Variants in KAT14 observed in about 807,000 individuals in gnomAD.
KAT14 encodes cysteine-rich protein 2-binding protein.
In KAT14, 66 loss-of-function variants were observed where a neutral mutation model predicts 78.4. The observed-to-expected ratio is 0.84, with a 90% CI of 0.69 to 1.03. KAT14 has a LOEUF of 1.03. Ranked by LOEUF, KAT14 falls within the 50% of genes least tolerant of loss-of-function variation. The pLI is 0.00. For missense variants in KAT14, 870 were observed against 972.5 expected, an observed-to-expected ratio of 0.89 and a Z score of 1.40; for synonymous variants, 344 against 359.4, an observed-to-expected ratio of 0.96 and a Z score of 0.48.
At chr20:18,184,561 A>G (rs780525018) in intron 9 of KAT14, 41 bp from the exon 10 acceptor site, 14 of 1,566,280 alleles carry the variant, frequency 8.9e-6, no homozygotes, top group Non-Finnish European at 1.2e-5. Context: ...TTAATTCTCA[A>G]AGGCATGTGG....
chr20:18,142,958 G>A (rs369310182), intron 2 of KAT14, 39 bp downstream of exon 2: 1 of 1,598,186 alleles, frequency 6.3e-7, no homozygotes, highest in African/African-American at 1.3e-5. Flanking sequence ...GTCAATTCCT[G>A]TGTGAAGGTT....
chr20:18,142,701 A>C lies in KAT14; in HGVS notation c.41A>C (p.His14Pro). Residue 14 changes from histidine (H) to proline (P), a missense_variant, in exon 2 of 11, where the codon CAT becomes CCT. His to Pro is a moderately conservative substitution (Grantham distance 77). Coordinates refer to ENST00000688188, the MANE Select transcript of KAT14 (RefSeq NM_001392073.1). ...SIHLSSLISR[H>P]DDEATRTSTS... ...CACCTGAGTAGTCTGATCAGTCGGC[A>C]TGATGACGAAGCCACGAGAACATCG... The C allele has an allele frequency of 1.9e-6, 3 of 1,614,204 alleles. No homozygotes were observed. The highest frequency in any genetic ancestry group is 1.7e-6 in the Non-Finnish European group (2 of 1,180,042).
intron 2 of KAT14, among the ~76,000 whole-genome samples, chr20:18,143,407 T>A (rs1228185769): frequency 7.2e-5 from 11 of 152,048 alleles, no homozygotes; most frequent in Non-Finnish European, 4.4e-5. Context: ...CCTTTTTTTC[T>A]GCTGGCAAGA....
chr20:18,187,466 T>A lies in KAT14; in HGVS notation c.*7T>A, dbSNP rs756465446. ...TCTGAGGCTCCGGCGCTGATGCGAATACAGCTCACAGAGAAACGCATGTGC... is the reference window on the plus strand; with the variant it reads ...TCTGAGGCTCCGGCGCTGATGCGAAAACAGCTCACAGAGAAACGCATGTGC... On this transcript the variant is annotated 3_prime_UTR_variant, in exon 11 of 11. Coordinates refer to ENST00000688188, the MANE Select transcript of KAT14 (RefSeq NM_001392073.1). 28 of 1,613,912 alleles carry A rather than the reference T, an allele frequency of 1.7e-5. No individual in the cohort carries two copies. The highest frequency in any genetic ancestry group is 2.4e-5 in the Non-Finnish European group (28 of 1,179,950).
chr20:18,154,194 A>G (rs2038143465), intron 4 of KAT14, among the ~76,000 whole-genome samples: 1 of 152,238 alleles, frequency 6.6e-6, no homozygotes, highest in Admixed American at 6.5e-5. Context: ...GAATGTTAAC[A>G]AGATTACCGT....
chr20:18,137,272 G>T (rs1033160336), upstream of KAT14, among the ~76,000 whole-genome samples: 1 of 150,664 alleles, frequency 6.6e-6, no homozygotes, highest in African/African-American at 2.5e-5. Flanking sequence ...CTGGGCGATA[G>T]ACAGAGACTC....
chr20:18,150,912 A>T lies in KAT14; in HGVS notation c.470A>T (p.Glu157Val). The T allele has an allele frequency of 6.2e-7, 1 of 1,614,210 alleles. No homozygotes were observed. The highest frequency in any genetic ancestry group is 8.5e-7 in the Non-Finnish European group (1 of 1,180,034). ...AAAGAAGATATCTGTGCTTTTATTGAGAAACATTGGACTTTTTTACTAGGG... is the reference window on the plus strand; with the variant it reads ...AAAGAAGATATCTGTGCTTTTATTGTGAAACATTGGACTTTTTTACTAGGG... Reference protein sequence around the residue: ...RWKEDICAFIEKHWTFLLGNR... With the variant: ...RWKEDICAFIVKHWTFLLGNR... Residue 157 changes from glutamate (E) to valine (V), a missense_variant, in exon 4 of 11, where the codon GAG (glutamate) becomes GTG (valine). Glu to Val is a moderately radical substitution (Grantham distance 121). Transcript: ENST00000688188.
Position 18,183,214 on chromosome 20 carries a change from C to G in KAT14, c.1897C>G (p.Pro633Ala), listed in dbSNP as rs1210337308. The G allele has an allele frequency of 1.5e-5, 25 of 1,614,014 alleles. No homozygotes were observed. The highest frequency in any genetic ancestry group is 2.1e-5 in the Non-Finnish European group (25 of 1,180,020). The change falls in exon 9 of 11, where the codon CCC becomes GCC. Residue 633 changes from proline (P) to alanine (A), a missense_variant. Physicochemically the swap from Pro to Ala is conservative, Grantham distance 27. Coordinates refer to ENST00000688188, the MANE Select transcript of KAT14 (RefSeq NM_001392073.1). ...GAGCGACCCTCACTGGACGCCGGAG[C>G]CCGACGCACCTCTCGATTACTGTTA... ...HRSDPHWTPEPDAPLDYCYVR... is the reference protein window; with the variant it reads ...HRSDPHWTPEADAPLDYCYVR...
chr20:18,165,467 T>C (rs1239831584), intron 7 of KAT14, among the ~76,000 whole-genome samples: 1 of 152,150 alleles, frequency 6.6e-6, no homozygotes, highest in Non-Finnish European at 1.5e-5. Context: ...CACCAGGAGC[T>C]AAGAGAAGGG....
At chr20:18,148,527 A>G (rs966737460) in intron 3 of KAT14, among the ~76,000 whole-genome samples, 2 of 152,036 alleles carry the variant, frequency 1.3e-5, no homozygotes, top group Non-Finnish European at 2.9e-5. Flanking sequence ...CTGTGGATAC[A>G]TTGGTCCACA....
intron 3 of KAT14, among the ~76,000 whole-genome samples, chr20:18,147,165 T>G (rs565842913): frequency 6.6e-6 from 1 of 152,380 alleles, no homozygotes; most frequent in East Asian, 1.9e-4. Context: ...GTCTATTATC[T>G]TAATTATCAG....
chr20:18,152,086 G>T (rs1329620263), intron 4 of KAT14, among the ~76,000 whole-genome samples: 3 of 151,780 alleles, frequency 2.0e-5, no homozygotes, highest in Non-Finnish European at 4.4e-5. Context: ...AATAAGAGTT[G>T]TATTACATGA....
intron 7 of KAT14, among the ~76,000 whole-genome samples, chr20:18,164,971 G>A (rs980214981): frequency 3.3e-5 from 5 of 151,966 alleles, no homozygotes; most frequent in African/African-American, 1.2e-4. Context: ...TCTGTTTACT[G>A]CCTATACTTA....
intron 7 of KAT14, among the ~76,000 whole-genome samples, chr20:18,177,507 G>A (rs1209195685): frequency 1.3e-5 from 2 of 152,152 alleles, no homozygotes; most frequent in Non-Finnish European, 2.9e-5. Flanking sequence ...AATTGTTAGT[G>A]GCTGTATTTA....
intron 4 of KAT14, among the ~76,000 whole-genome samples, chr20:18,153,420 C>G (rs2038117286): frequency 6.6e-6 from 1 of 152,054 alleles, no homozygotes; most frequent in African/African-American, 2.4e-5. Context: ...ATTTATGGAC[C>G]TTAATGTACC....
chr20:18,168,952 G>A (rs1313222552), intron 7 of KAT14, among the ~76,000 whole-genome samples: 2 of 150,612 alleles, frequency 1.3e-5, no homozygotes, highest in South Asian at 4.4e-4. Flanking sequence ...TACACCTTTT[G>A]TAGTTTTCCG....
intron 1 of KAT14, among the ~76,000 whole-genome samples, chr20:18,139,765 A>G (rs2037458037): frequency 6.6e-6 from 1 of 152,124 alleles, no homozygotes; most frequent in Non-Finnish European, 1.5e-5. Context: ...TGATTAGCAC[A>G]GTGGATGTGT....
intron 7 of KAT14, among the ~76,000 whole-genome samples, chr20:18,167,494 A>G (rs1029289411): frequency 1.3e-5 from 2 of 152,178 alleles, no homozygotes; most frequent in African/African-American, 4.8e-5. Context: ...CATTTATTCA[A>G]TCCATACTCT....
At position 18,187,500 on chromosome 20, in the gene KAT14, A is replaced by G. The variant is rs2039487438; in HGVS notation, c.*41A>G. 2.5e-6 allele frequency: 4 copies of G among 1,610,930 alleles called. No homozygotes were observed. The highest frequency in any genetic ancestry group is 3.4e-6 in the Non-Finnish European group (4 of 1,179,168). On this transcript the variant is annotated 3_prime_UTR_variant, in exon 11 of 11. Coordinates refer to ENST00000688188, the MANE Select transcript of KAT14 (RefSeq NM_001392073.1). ...CAGAGAAACGCATGTGCTATTGGAG[A>G]ACAGGTCTTTGTGGAGATCTAAAGG... is the stretch of plus-strand genomic sequence containing the variant.
Sources: allele counts gnomAD v4.1 joint callset (sites outside exome capture counted in the v4.1 genomes callset), GRCh38; gene constraint gnomAD v4.1.1; transcripts MANE v1.5; gene names NCBI Gene and HGNC (gene_info 2026-07-23, HGNC 2026-07-21).